The following GRID1 variants were observed in gnomAD, a reference collection of about 807,000 sequenced individuals.
The protein encoded by GRID1 is glutamate receptor ionotropic, delta-1.
Under a neutral mutation model 98.0 loss-of-function variants are expected in GRID1, and 28 were observed. The ratio of observed to expected loss-of-function variants is 0.29; its 90% CI spans 0.21 to 0.39. GRID1 has a LOEUF of 0.39. GRID1 is among the 10% of genes least tolerant of loss of function. GRID1 has a pLI of 1.00. For synonymous variants in GRID1, 553 were observed against 538.5 expected (o/e 1.03, Z -0.37); for missense variants, 1,111 against 1,340.5 (o/e 0.83, Z 2.67).
At chr10:86,163,682 G>A (rs949150071) in intron 3 of GRID1, among the ~76,000 whole-genome samples, 1 of 152,146 alleles carries the variant, frequency 6.6e-6, no homozygotes, top group Non-Finnish European at 1.5e-5. Flanking sequence ...TTGGCCTCTG[G>A]CTGCTCTTCT....
chr10:85,750,839 G>C (rs1187356316), intron 8 of GRID1, among the ~76,000 whole-genome samples: 1 of 151,982 alleles, frequency 6.6e-6, no homozygotes, highest in Admixed American at 6.6e-5. Context: ...AAACAAAAAA[G>C]GAAACTACCC....
At chr10:86,275,513 C>A in intron 2 of GRID1, among the ~76,000 whole-genome samples, 1 of 150,696 alleles carries the variant, frequency 6.6e-6, no homozygotes, top group African/African-American at 2.4e-5. Context: ...AAGACATGGA[C>A]AAAGAACTAA....
intron 3 of GRID1, among the ~76,000 whole-genome samples, chr10:86,159,610 C>A (rs1845292322): frequency 6.6e-6 from 1 of 152,212 alleles, no homozygotes; most frequent in Non-Finnish European, 1.5e-5. Flanking sequence ...TTAAGCAATG[C>A]ACAACTATAT....
chr10:86,288,384 C>T (rs1330547128), intron 2 of GRID1, among the ~76,000 whole-genome samples: 11 of 152,216 alleles, frequency 7.2e-5, no homozygotes, highest in Non-Finnish European at 1.6e-4. Context: ...TGATCAGTTA[C>T]AGTTTTGAGG....
At position 86,091,120 on chromosome 10, in the gene GRID1, G is replaced by A. The variant is rs12257618; in HGVS notation, c.726+47699C>T. On this transcript the variant is annotated intron_variant, in intron 4 of 15. Coordinates refer to ENST00000327946, the MANE Select transcript of GRID1 (RefSeq NM_017551.3). ...GCTGAACTTTTTAACAATTTGAGCG[G>A]GGTGAGAAGACTCCTGGCCAGAACT... Among the ~76,000 whole-genome samples the A allele has an allele frequency of 4.8e-3, 737 of 152,278 alleles. 11 individuals carry two copies. The highest frequency in any genetic ancestry group is 0.017 in the African/African-American group (713 of 41,538).
chr10:86,022,936 TA>T (rs993835223), intron 4 of GRID1, among the ~76,000 whole-genome samples: 4 of 151,402 alleles, frequency 2.6e-5, no homozygotes, highest in Non-Finnish European at 5.9e-5. Context: ...AAAAAAAGAT[TA>T]AAAAAATTCC....
intron 2 of GRID1, among the ~76,000 whole-genome samples, chr10:86,246,912 C>A (rs1478222080): frequency 3.3e-5 from 5 of 152,256 alleles, no homozygotes; most frequent in Admixed American, 3.3e-4. Flanking sequence ...GGACAGCTCA[C>A]CAAGCTCTGT....
At chr10:86,318,681 T>A (rs1440560617) in intron 2 of GRID1, among the ~76,000 whole-genome samples, 1 of 152,212 alleles carries the variant, frequency 6.6e-6, no homozygotes, top group Non-Finnish European at 1.5e-5. Context: ...GAACTCACCC[T>A]TGCTGAGACC....
intron 8 of GRID1, among the ~76,000 whole-genome samples, chr10:85,830,377 C>G (rs1291070254): frequency 3.3e-5 from 5 of 151,958 alleles, no homozygotes; most frequent in Admixed American, 3.3e-4. Flanking sequence ...CTAGGAAATA[C>G]AATTCTGGAC....
chr10:85,736,290 G>T (rs1460144857), intron 8 of GRID1, among the ~76,000 whole-genome samples: 2 of 150,954 alleles, frequency 1.3e-5, no homozygotes, highest in Non-Finnish European at 3.0e-5. Flanking sequence ...AGGGGAGAGA[G>T]GGAGAAAGAG....
At chr10:86,178,247 G>T (rs933126578) in intron 3 of GRID1, among the ~76,000 whole-genome samples, 1 of 151,490 alleles carries the variant, frequency 6.6e-6, no homozygotes, top group African/African-American at 2.4e-5. Flanking sequence ...TTTTCCAGAT[G>T]ACCAAATTAT....
intron 8 of GRID1, among the ~76,000 whole-genome samples, chr10:85,770,887 A>C (rs1174137373): frequency 6.6e-6 from 1 of 152,182 alleles, no homozygotes; most frequent in African/African-American, 2.4e-5. Flanking sequence ...TGGAACCAAG[A>C]TGGAAAACAC....
chr10:86,032,732 T>C (rs1843204208), intron 4 of GRID1, among the ~76,000 whole-genome samples: 1 of 151,578 alleles, frequency 6.6e-6, no homozygotes, highest in Admixed American at 6.6e-5. Context: ...GAGACCCTTG[T>C]TCACATGTTT....
At chr10:85,711,384 C>A (rs969002765) in intron 12 of GRID1, among the ~76,000 whole-genome samples, 1 of 151,874 alleles carries the variant, frequency 6.6e-6, no homozygotes, top group Non-Finnish European at 1.5e-5. Context: ...TCATAAAAAA[C>A]AATTGCCATA....
chr10:86,352,326 G>A (rs1355937627), intron 2 of GRID1, among the ~76,000 whole-genome samples: 1 of 152,146 alleles, frequency 6.6e-6, no homozygotes, highest in Non-Finnish European at 1.5e-5. Flanking sequence ...CCCAGGCCAG[G>A]GTTTGCTCAC....
chr10:85,928,249 G>C (rs139020122), intron 4 of GRID1, among the ~76,000 whole-genome samples: 226 of 152,288 alleles, frequency 1.5e-3, no homozygotes, highest in African/African-American at 5.0e-3. Flanking sequence ...GTTTAGGGCT[G>C]GGAGCTTGAG....
chr10:85,889,104 A>C (rs1016040216), intron 5 of GRID1, among the ~76,000 whole-genome samples: 17 of 152,242 alleles, frequency 1.1e-4, no homozygotes, highest in African/African-American at 3.9e-4. Flanking sequence ...TGTTGGGACA[A>C]GTTAAAACAG....
At chr10:85,677,730 C>T (rs1841160842) in intron 12 of GRID1, among the ~76,000 whole-genome samples, 1 of 152,106 alleles carries the variant, frequency 6.6e-6, no homozygotes, top group Non-Finnish European at 1.5e-5. Context: ...CGGAGTCTCC[C>T]CTACGAAGTA....
intron 4 of GRID1, among the ~76,000 whole-genome samples, chr10:85,971,858 T>A (rs12357318): frequency 2.2e-4 from 33 of 152,286 alleles, no homozygotes; most frequent in Non-Finnish European, 4.0e-4. Context: ...CCTAGATAAG[T>A]GGGTGCATAT....
Sources: allele counts gnomAD v4.1 joint callset (sites outside exome capture counted in the v4.1 genomes callset), GRCh38; gene constraint gnomAD v4.1.1; transcripts MANE v1.5; gene names NCBI Gene and HGNC (gene_info 2026-07-23, HGNC 2026-07-21).